Variants in RSPH14 observed in about 807,000 individuals in gnomAD.
RSPH14 encodes rhabdoid tumor deletion region gene 1.
In RSPH14, 20 loss-of-function variants were observed where a neutral mutation model predicts 26.7. That is an observed-to-expected ratio of 0.75 (90% confidence interval 0.53 to 1.09). RSPH14 has a LOEUF of 1.09. Ranked by LOEUF, RSPH14 falls within the 50% of genes least tolerant of loss-of-function variation. The pLI is 0.00. For missense variants in RSPH14, 449 were observed against 457.2 expected (o/e 0.98, Z 0.16); for synonymous variants, 177 against 189.3 (o/e 0.93, Z 0.53).
chr22:23,129,333 T>C (rs1297182241), intron 4 of RSPH14, among the ~76,000 whole-genome samples: 1 of 152,112 alleles, frequency 6.6e-6, no homozygotes, highest in East Asian at 1.9e-4. Flanking sequence ...TGAGCAGCAC[T>C]CAGTAAACCC....
intron 5 of RSPH14, 34 bp downstream of exon 5, chr22:23,063,868 C>G: frequency 6.2e-7 from 1 of 1,601,644 alleles, no homozygotes; most frequent in Non-Finnish European, 8.5e-7. Flanking sequence ...CTTCTCCCAG[C>G]CTTGGTAGAA....
chr22:23,081,711 A>G (rs946172210), intron 4 of RSPH14, among the ~76,000 whole-genome samples: 4 of 151,072 alleles, frequency 2.6e-5, no homozygotes, highest in East Asian at 2.0e-4. Flanking sequence ...AATCCCAGCT[A>G]CTTGGGAGGC....
At chr22:23,146,595 G>T (rs2070787288), upstream of RSPH14, 6 of 1,613,002 alleles carry the variant, frequency 3.7e-6, no homozygotes, top group Non-Finnish European at 5.1e-6. Flanking sequence ...TCTCCTGGTT[G>T]GGTCCACAGG....
chr22:23,109,876 C>A (rs56967548), intron 4 of RSPH14, among the ~76,000 whole-genome samples: 2,637 of 152,326 alleles, frequency 0.017, 80 homozygotes, highest in African/African-American at 0.059. Flanking sequence ...ACCAGCCCCC[C>A]ACCTCTCAGT....
intron 4 of RSPH14, among the ~76,000 whole-genome samples, chr22:23,118,816 G>C (rs885964): frequency 0.48 from 72,772 of 152,152 alleles, 18,262 homozygotes; most frequent in Middle Eastern, 0.57. Flanking sequence ...GTGGGCTGCA[G>C]CAGGACAATG....
the RSPH14 span, chr22:23,161,515 C>T: frequency 1.3e-5 from 21 of 1,612,594 alleles, no homozygotes; most frequent in South Asian, 9.9e-5. Flanking sequence ...GAAGGGAGTC[C>T]GCCCGAGACC....
upstream of RSPH14, chr22:23,145,477 G>T: frequency 6.2e-7 from 1 of 1,609,214 alleles, no homozygotes; most frequent in Non-Finnish European, 8.5e-7. Context: ...CGTGGCTCTC[G>T]TTGCCATGGT....
At chr22:23,167,698 T>C in the RSPH14 span, among the ~76,000 whole-genome samples, 90 of 151,216 alleles carry the variant, frequency 6.0e-4, no homozygotes, top group African/African-American at 2.1e-3. Flanking sequence ...TTAACTCTTT[T>C]TTTAATTAAT....
At chr22:23,159,537 C>T in the RSPH14 span, among the ~76,000 whole-genome samples, 3 of 152,226 alleles carry the variant, frequency 2.0e-5, no homozygotes, top group South Asian at 2.1e-4. Flanking sequence ...TCTCCATAAC[C>T]GGAGAACCCC....
intron 4 of RSPH14, among the ~76,000 whole-genome samples, chr22:23,126,098 G>A (rs184935100): frequency 5.9e-5 from 9 of 152,190 alleles, no homozygotes; most frequent in African/African-American, 1.9e-4. Context: ...ACTTAAAATC[G>A]TTGAGACTTA....
chr22:23,158,893 T>C, the RSPH14 span: 1 of 1,613,720 alleles, frequency 6.2e-7, no homozygotes. Flanking sequence ...CTCCTTACAC[T>C]CCAGGCAGTG....
chr22:23,152,982 G>T, the RSPH14 span: 1 of 1,307,802 alleles, frequency 7.6e-7, no homozygotes, highest in South Asian at 1.2e-5. Context: ...TGAAGCTTCC[G>T]GGCACATTTC....
chr22:23,141,754 T>G (rs1454102258), intron 1 of RSPH14, among the ~76,000 whole-genome samples, 195 bp downstream of exon 1: 1 of 152,210 alleles, frequency 6.6e-6, no homozygotes, highest in African/African-American at 2.4e-5. Flanking sequence ...ATGTTTGAGT[T>G]GAGCTCCCCT....
At chr22:23,096,041 A>T in intron 4 of RSPH14, 1 of 1,606,866 alleles carries the variant, frequency 6.2e-7, no homozygotes, top group African/African-American at 1.3e-5. Flanking sequence ...CCCCGCTGAG[A>T]GCAAGGGCGA....
intron 4 of RSPH14, among the ~76,000 whole-genome samples, chr22:23,068,639 T>C (rs1463844750): frequency 1.3e-5 from 2 of 152,238 alleles, no homozygotes; most frequent in African/African-American, 2.4e-5. Flanking sequence ...CACTGTTGCA[T>C]GTGGGCTTAC....
chr22:23,091,769 C>G (rs1255095967), intron 4 of RSPH14, among the ~76,000 whole-genome samples: 1 of 152,238 alleles, frequency 6.6e-6, no homozygotes, highest in Non-Finnish European at 1.5e-5. Context: ...GGCTTAAAAC[C>G]TTTCAGTGGC....
At chr22:23,162,061 C>T in the RSPH14 span, 1 of 169,298 alleles carries the variant, frequency 5.9e-6, no homozygotes, top group Non-Finnish European at 1.3e-5. Context: ...GCCATTCCCC[C>T]TGGGAGTTTT....
At chr22:23,072,849 A>G (rs1023197946) in intron 4 of RSPH14, among the ~76,000 whole-genome samples, 1 of 152,194 alleles carries the variant, frequency 6.6e-6, no homozygotes, top group Non-Finnish European at 1.5e-5. Context: ...GCCCCACCAG[A>G]GTGGCCAGAA....
At chr22:23,145,581 C>G, upstream of RSPH14, 1 of 1,583,502 alleles carries the variant, frequency 6.3e-7, no homozygotes, top group Non-Finnish European at 8.6e-7. Flanking sequence ...CTGTCCGACC[C>G]TCCCGGTCAC....
Sources: allele counts gnomAD v4.1 joint callset (sites outside exome capture counted in the v4.1 genomes callset), GRCh38; gene constraint gnomAD v4.1.1; transcripts MANE v1.5; gene names NCBI Gene and HGNC (gene_info 2026-07-23, HGNC 2026-07-21).